ATP11B: variants seen among roughly 807,000 people sequenced by gnomAD.
The protein encoded by ATP11B is phospholipid-transporting ATPase IF.
ATP11B carries 81 observed loss-of-function variants against 157.8 expected under a neutral mutation model. The observed-to-expected ratio is 0.51, with a 90% confidence interval of 0.43 to 0.62. The LOEUF is 0.62. Ranked by LOEUF, ATP11B falls within the 20% of genes least tolerant of loss-of-function variation. The pLI, the probability that ATP11B is intolerant of heterozygous loss-of-function variation, is 0.00. For synonymous variants in ATP11B, 451 were observed against 469.4 expected, an observed-to-expected ratio of 0.96 and a Z score of 0.51; for missense variants, 1,165 against 1,402.2, an observed-to-expected ratio of 0.83 and a Z score of 2.70.
At chr3:182,863,196 G>T (rs561844182) in intron 12 of ATP11B, among the ~76,000 whole-genome samples, 1 of 151,910 alleles carries the variant, frequency 6.6e-6, no homozygotes, top group South Asian at 2.1e-4. Context: ...GAGCCACCGC[G>T]CCTGGCCAAT....
chr3:182,829,791 A>G, intron 4 of ATP11B, 39 bp downstream of exon 4: 1 of 1,483,256 alleles, frequency 6.7e-7, no homozygotes, highest in Non-Finnish European at 9.2e-7. Context: ...CCTCTAAGTC[A>G]TTTAGAAGTT....
intron 10 of ATP11B, among the ~76,000 whole-genome samples, chr3:182,857,460 T>C (rs1720490208): frequency 6.6e-6 from 1 of 152,074 alleles, no homozygotes; most frequent in Admixed American, 6.6e-5. Context: ...AGGGTTTTCA[T>C]ATAGATTAGG....
At chr3:182,874,499 CATTACGAT>C (rs145570451) in intron 19 of ATP11B, among the ~76,000 whole-genome samples, 8,799 of 152,150 alleles carry the variant, frequency 0.058, 853 homozygotes, top group African/African-American at 0.2. Context: ...GGACTTTTAA[CATTACGAT>C]TTTTTTTGAA....
intron 1 of ATP11B, among the ~76,000 whole-genome samples, chr3:182,813,213 C>A (rs534583621): frequency 5.3e-5 from 8 of 152,274 alleles, no homozygotes; most frequent in African/African-American, 1.7e-4. Flanking sequence ...CCTTCTTTCA[C>A]TTCTTTGAAG....
chr3:182,916,577 T>A (rs1725156084), intron 29 of ATP11B: 1 of 985,236 alleles, frequency 1.0e-6, no homozygotes, highest in South Asian at 4.7e-5. Context: ...AATAAAAGAT[T>A]TTCTGTTCGT....
At chr3:182,863,799 G>A (rs2108539526) in intron 12 of ATP11B, among the ~76,000 whole-genome samples, 1 of 151,944 alleles carries the variant, frequency 6.6e-6, no homozygotes, top group East Asian at 1.9e-4. Context: ...ATGACTGATA[G>A]TGCAGTCTGT....
chr3:182,889,729 A>G (rs554960590), intron 25 of ATP11B, among the ~76,000 whole-genome samples, 181 bp downstream of exon 25: 2 of 152,354 alleles, frequency 1.3e-5, no homozygotes, highest in East Asian at 1.9e-4. Context: ...TTGACAGGCA[A>G]TACAGTGTAA....
intron 1 of ATP11B, among the ~76,000 whole-genome samples, chr3:182,799,607 C>A (rs958499281): frequency 6.6e-6 from 1 of 152,044 alleles, no homozygotes; most frequent in Non-Finnish European, 1.5e-5. Flanking sequence ...AGATAATATT[C>A]ATAATTAGCT....
In ATP11B at chr3:182,873,936, A is replaced by G; in HGVS notation, c.2173A>G (p.Arg725Gly). ...GAGTTTATCATGTGGCCATTTTCAT[A>G]GAACCATGAACATCCTTGAACTTAT... The part of the protein sequence containing the change: ...SVSLSCGHFH[R>G]TMNILELINQ... Residue 725 changes from arginine to glycine, a missense_variant, in exon 19 of 30, where the codon AGA (arginine) becomes GGA (glycine). Physicochemically the swap from Arg to Gly is moderately radical, Grantham distance 125. Around this residue, in one of 4 missense-constraint regions of ATP11B, gnomAD observed 737 missense variants for 930.5 expected, o/e 0.79. Transcript: ENST00000323116. 6.2e-7 allele frequency: 1 copy of G among 1,614,182 alleles called. No homozygotes were observed. Among genetic ancestry groups the G allele is most frequent in the East Asian group, 2.2e-5 (1 of 44,872 alleles).
intron 11 of ATP11B, among the ~76,000 whole-genome samples, chr3:182,858,584 C>T (rs1720600988): frequency 6.6e-6 from 1 of 152,024 alleles, no homozygotes; most frequent in African/African-American, 2.4e-5. Flanking sequence ...CAAGAAACTA[C>T]AAAGCAAATA....
intron 1 of ATP11B, among the ~76,000 whole-genome samples, chr3:182,795,940 A>G (rs1204333690): frequency 6.6e-6 from 1 of 152,230 alleles, no homozygotes; most frequent in East Asian, 1.9e-4. Flanking sequence ...GAAATTGACA[A>G]GCAAATCCTA....
In ATP11B at chr3:182,921,243, C is replaced by G. The variant is rs985704131; in HGVS notation, c.*3139C>G. ...ATAAAAATAACACACCAAAGAGTTA[C>G]GTAAAACATGTTTTATTAATTTTGG... is the stretch of plus-strand genomic sequence containing the variant. On this transcript the variant is annotated 3_prime_UTR_variant, in exon 30 of 30. Coordinates refer to ENST00000323116, the MANE Select transcript of ATP11B (RefSeq NM_014616.3). 1.3e-5 allele frequency: 2 copies of G among 152,114 alleles called. No homozygotes were observed. The highest frequency in any genetic ancestry group is 4.1e-4 in the South Asian group (2 of 4,834). 9.4% of individuals were successfully genotyped at this position (152,114 alleles called of 1,614,324 possible).
At chr3:182,800,975 T>C (rs1284303250) in intron 1 of ATP11B, among the ~76,000 whole-genome samples, 1 of 150,470 alleles carries the variant, frequency 6.6e-6, no homozygotes, top group African/African-American at 2.4e-5. Context: ...GATTTTTTCG[T>C]ATTGTTAGTA....
At chr3:182,853,116 A>G (rs1413066518) in intron 10 of ATP11B, among the ~76,000 whole-genome samples, 2 of 152,242 alleles carry the variant, frequency 1.3e-5, no homozygotes, top group Non-Finnish European at 2.9e-5. Flanking sequence ...TGGAAGACAC[A>G]TGATTTTTCA....
Position 182,918,505 on chromosome 3 carries a change from C to G in ATP11B, c.*401C>G, listed in dbSNP as rs1452647102. 2.5e-6 allele frequency: 1 copy of G among 396,520 alleles called. No homozygotes were observed. The highest frequency in any genetic ancestry group is 4.5e-6 in the Non-Finnish European group (1 of 224,662). 24.6% of individuals were successfully genotyped at this position (396,520 alleles called of 1,614,324 possible). ...TTGACTCTTCTATTTAAATCTGCTT[C>G]TGTAAATTATGCTGAAAGTTTGCCT... On this transcript the variant is annotated 3_prime_UTR_variant, in exon 30 of 30. Transcript: ENST00000323116.
intron 9 of ATP11B, among the ~76,000 whole-genome samples, chr3:182,847,645 G>A (rs193299113): frequency 1.6e-4 from 25 of 152,238 alleles, no homozygotes; most frequent in African/African-American, 6.0e-4. Flanking sequence ...TTTTCAAATT[G>A]TACTATTTAG....
chr3:182,884,140 CTCT>C lies in ATP11B; in HGVS notation c.2510-606_2510-604del, dbSNP rs1414207427. Among the ~76,000 whole-genome samples, 18 of 151,988 alleles carry C rather than the reference CTCT, an allele frequency of 1.2e-4. 1 individual carries two copies. The South Asian group carries it at 1.7e-3, about 14-fold the overall frequency. On this transcript the variant is annotated intron_variant, in intron 21 of 29. Transcript: ENST00000323116. ...ATTGAAAATAAAAACTTGGCAATGACTCTTCTTCTCTTTTGAAACCTTAAGGAT... is the reference window on the plus strand; with the variant it reads ...ATTGAAAATAAAAACTTGGCAATGACTCTTCTCTTTTGAAACCTTAAGGAT...
At chr3:182,839,741 G>T (rs138771188) in intron 7 of ATP11B, among the ~76,000 whole-genome samples, 1 of 152,060 alleles carries the variant, frequency 6.6e-6, no homozygotes, top group African/African-American at 2.4e-5. Context: ...CTCCCAAGTA[G>T]ATAGGATTAT....
intron 29 of ATP11B, chr3:182,916,032 T>G (rs80350703): frequency 0.018 from 17,248 of 985,092 alleles, 177 homozygotes; most frequent in Non-Finnish European, 0.019. Flanking sequence ...TCAGACCTGT[T>G]CATTCTTTTC....
Sources: gnomAD v4.1 joint callset for allele counts (sites outside exome capture counted in the v4.1 genomes callset) on GRCh38, gnomAD v4.1.1 for gene constraint, gnomAD v4.1.1 regional missense constraint, MANE v1.5 for transcripts, NCBI Gene and HGNC (gene_info 2026-07-23, HGNC 2026-07-21) for gene names.